The following CADM2 variants were observed in gnomAD, a reference collection of about 807,000 sequenced individuals.
CADM2 encodes the protein immunoglobulin superfamily member 4D.
In CADM2, 12 loss-of-function variants were observed where a neutral mutation model predicts 49.8. That is an observed-to-expected ratio of 0.24 (90% CI 0.15 to 0.39). CADM2 has a LOEUF of 0.39. Among genes scored for constraint, CADM2 ranks in the 10% least tolerant of loss-of-function variants. The pLI is 1.00. For missense variants in CADM2, 378 were observed against 492.3 expected, an observed-to-expected ratio of 0.77 and a Z score of 2.20; for synonymous variants, 214 against 175.4, an observed-to-expected ratio of 1.22 and a Z score of -1.74.
intron 1 of CADM2, among the ~76,000 whole-genome samples, chr3:85,485,690 A>G (rs931503615): frequency 1.3e-5 from 2 of 152,088 alleles, no homozygotes; most frequent in East Asian, 1.9e-4. Context: ...AAAAGTAACT[A>G]TTTATTGCAT....
At chr3:85,746,312 T>C (rs2068617720) in intron 2 of CADM2, among the ~76,000 whole-genome samples, 1 of 152,212 alleles carries the variant, frequency 6.6e-6, no homozygotes, top group Admixed American at 6.5e-5. Context: ...ATTAGCACTG[T>C]TATCTTATTA....
chr3:85,736,467 G>C (rs1218186315), intron 2 of CADM2, among the ~76,000 whole-genome samples: 1 of 152,152 alleles, frequency 6.6e-6, no homozygotes, highest in African/African-American at 2.4e-5. Flanking sequence ...CATTAACTGG[G>C]CAACAGAGGG....
intron 7 of CADM2, among the ~76,000 whole-genome samples, chr3:85,951,269 C>G (rs1343468255): frequency 6.6e-6 from 1 of 151,024 alleles, no homozygotes; most frequent in Non-Finnish European, 1.5e-5. Flanking sequence ...CTTGTTCTTT[C>G]TCACACACAA....
chr3:85,085,077 ATATT>A (rs966158851), intron 1 of CADM2, among the ~76,000 whole-genome samples: 2 of 152,162 alleles, frequency 1.3e-5, no homozygotes, highest in African/African-American at 4.8e-5. Context: ...TATGGTGAGA[ATATT>A]TAAATTCTAC....
At chr3:85,386,017 T>C (rs1249787273) in intron 1 of CADM2, among the ~76,000 whole-genome samples, 1 of 152,150 alleles carries the variant, frequency 6.6e-6, no homozygotes, top group East Asian at 1.9e-4. Flanking sequence ...TAGAACAAAG[T>C]ACCATATGAA....
chr3:85,151,236 T>C (rs569203259), intron 1 of CADM2, among the ~76,000 whole-genome samples: 10 of 152,246 alleles, frequency 6.6e-5, no homozygotes, highest in African/African-American at 2.4e-4. Flanking sequence ...TTGTTCAGTT[T>C]TGGGCTTTTC....
At chr3:85,482,444 T>A (rs2039252663) in intron 1 of CADM2, among the ~76,000 whole-genome samples, 1 of 151,772 alleles carries the variant, frequency 6.6e-6, no homozygotes, top group Non-Finnish European at 1.5e-5. Context: ...CAATTGATTT[T>A]AAAGGCCCTG....
Position 85,359,656 on chromosome 3 carries a change from A to T in CADM2, c.62-366866A>T, listed in dbSNP as rs1309045031. 2.3e-3 allele frequency among the ~76,000 whole-genome samples: 40 copies of T among 17,406 alleles called. 1 individual carries two copies. Among genetic ancestry groups the T allele is most frequent in the Non-Finnish European group, 6.7e-3 (31 of 4,638 alleles). 11.4% of individuals were successfully genotyped at this position (17,406 alleles called of 152,430 possible). Reference sequence around the variant, plus strand: ...TGTCAGCATATATATATATATATATATATATATATATTTTTTTTTTTGGTG... The same window carrying T: ...TGTCAGCATATATATATATATATATTTATATATATATTTTTTTTTTTGGTG... On this transcript the variant is annotated intron_variant, in intron 1 of 9. Transcript: ENST00000383699.
intron 1 of CADM2, among the ~76,000 whole-genome samples, chr3:85,520,904 A>C (rs1410180286): frequency 6.6e-6 from 1 of 151,994 alleles, no homozygotes; most frequent in Admixed American, 6.6e-5. Context: ...TTAGTATACT[A>C]AACTGTGATA....
intron 1 of CADM2, among the ~76,000 whole-genome samples, chr3:85,370,261 A>T (rs2033125887): frequency 1.3e-5 from 2 of 148,442 alleles, no homozygotes; most frequent in African/African-American, 4.9e-5. Context: ...TAATAATAAA[A>T]TTTTAAAAAA....
chr3:85,608,359 C>T (rs146133848), intron 1 of CADM2, among the ~76,000 whole-genome samples: 29 of 152,220 alleles, frequency 1.9e-4, no homozygotes, highest in African/African-American at 6.7e-4. Flanking sequence ...CATCACTCCT[C>T]ATCAATTCTG....
At chr3:85,042,166 G>A (rs1038243485) in intron 1 of CADM2, among the ~76,000 whole-genome samples, 3 of 152,128 alleles carry the variant, frequency 2.0e-5, no homozygotes, top group African/African-American at 4.8e-5. Flanking sequence ...ATACTCAGGG[G>A]TGTGTTGCTT....
chr3:85,343,114 C>A (rs1326808357), intron 1 of CADM2, among the ~76,000 whole-genome samples: 1 of 152,126 alleles, frequency 6.6e-6, no homozygotes, highest in Non-Finnish European at 1.5e-5. Context: ...GGTAATGCTA[C>A]TGACATCTAG....
At chr3:85,858,148 C>A (rs562199193) in intron 3 of CADM2, among the ~76,000 whole-genome samples, 4 of 152,142 alleles carry the variant, frequency 2.6e-5, no homozygotes. Flanking sequence ...AGCTATGGGA[C>A]GGTCTAGTGT....
rs1420905491 is a variant in CADM2, at chr3:85,802,095, G to A, written c.137G>A (p.Gly46Asp). Residue 46 changes from glycine to aspartate, a missense_variant, in exon 3 of 10, where the codon GGT (glycine) becomes GAT (aspartate). Transcript: ENST00000383699. ...ACACAGAATGTAACCGTTGTTGAAG[G>A]TGGAACTGCAATTTTGACCTGCAGG... ...PLTQNVTVVE[G>D]GTAILTCRVD... 1 of 1,613,116 alleles carries A rather than the reference G, an allele frequency of 6.2e-7. No individual in the cohort carries two copies. Among genetic ancestry groups the A allele is most frequent in the Non-Finnish European group, 8.5e-7 (1 of 1,179,448 alleles).
chr3:85,336,923 A>G (rs2045094147), intron 1 of CADM2, among the ~76,000 whole-genome samples: 1 of 142,162 alleles, frequency 7.0e-6, no homozygotes, highest in African/African-American at 2.6e-5. Context: ...TAATAGTTAA[A>G]TAGTTAAAAT....
chr3:86,030,344 C>T (rs772346426), intron 8 of CADM2, among the ~76,000 whole-genome samples: 2 of 151,866 alleles, frequency 1.3e-5, no homozygotes, highest in Non-Finnish European at 2.9e-5. Flanking sequence ...ATCTCAGAAA[C>T]ACTAACAAAA....
At chr3:86,034,687 T>C (rs1320348322) in intron 8 of CADM2, among the ~76,000 whole-genome samples, 1 of 152,072 alleles carries the variant, frequency 6.6e-6, no homozygotes, top group Non-Finnish European at 1.5e-5. Context: ...GCTGCAGCTT[T>C]GTGTTTTTAG....
At chr3:85,887,237 C>G in intron 5 of CADM2, among the ~76,000 whole-genome samples, 1 of 152,038 alleles carries the variant, frequency 6.6e-6, no homozygotes. Flanking sequence ...CAGGCATGCA[C>G]GACCATGCTT....
Sources: allele counts gnomAD v4.1 joint callset (sites outside exome capture counted in the v4.1 genomes callset), GRCh38; gene constraint gnomAD v4.1.1; transcripts MANE v1.5; gene names NCBI Gene and HGNC (gene_info 2026-07-23, HGNC 2026-07-21).